Variants in PON3 observed in about 807,000 individuals in gnomAD.
The protein encoded by PON3 is serum paraoxonase/lactonase 3.
Under a neutral mutation model 36.3 loss-of-function variants are expected in PON3, and 37 were observed. The observed-to-expected ratio is 1.02, with a 90% CI of 0.78 to 1.34. The LOEUF (loss-of-function observed/expected upper bound fraction) is 1.34. PON3 is among the 40% of genes most tolerant of loss of function. The pLI is 0.00. For synonymous variants in PON3, 155 were observed against 154.8 expected (o/e 1.00, Z -0.01); for missense variants, 415 against 426.5 (o/e 0.97, Z 0.24).
intron 5 of PON3, 118 bp downstream of exon 5, chr7:95,367,244 G>GA: frequency 2.3e-6 from 3 of 1,326,480 alleles, no homozygotes; most frequent in Non-Finnish European, 2.1e-6. Flanking sequence ...GAAAGCTTTA[G>GA]AAAAAAATCA....
intron 3 of PON3, among the ~76,000 whole-genome samples, chr7:95,380,818 T>C (rs1023873422): frequency 2.6e-5 from 4 of 152,084 alleles, no homozygotes; most frequent in East Asian, 1.9e-4. Context: ...CCTAGCAAGG[T>C]AGGCCAACAT....
chr7:95,373,902 G>A (rs1472468191), intron 3 of PON3, among the ~76,000 whole-genome samples: 3 of 152,156 alleles, frequency 2.0e-5, no homozygotes, highest in African/African-American at 7.2e-5. Flanking sequence ...ACAACAGGAG[G>A]TGAGCTGCAG....
At chr7:95,363,518 T>C (rs1808623538) in intron 6 of PON3, 4 of 330,836 alleles carry the variant, frequency 1.2e-5, no homozygotes, top group South Asian at 1.2e-4. Context: ...GAACTTAGCA[T>C]AAGTGGTCAA....
chr7:95,379,528 C>T (rs911517512), intron 3 of PON3, among the ~76,000 whole-genome samples: 1 of 152,246 alleles, frequency 6.6e-6, no homozygotes, highest in African/African-American at 2.4e-5. Context: ...TTCCAATGGT[C>T]TTAGCAAACA....
intron 3 of PON3, among the ~76,000 whole-genome samples, chr7:95,382,158 A>T (rs1481830381): frequency 2.0e-5 from 3 of 152,242 alleles, no homozygotes; most frequent in Non-Finnish European, 4.4e-5. Context: ...AACCGACGAG[A>T]ACAAAGATAC....
chr7:95,362,518 C>T (rs756443271), intron 7 of PON3, 28 bp from the exon 8 acceptor site: 1 of 1,612,986 alleles, frequency 6.2e-7, no homozygotes, highest in Non-Finnish European at 8.5e-7. Flanking sequence ...GTAGTGAAGA[C>T]ATTGTCTCAA....
rs140003559 is a variant in PON3, at chr7:95,359,976, G to A, written c.1062C>T (p.Leu354=). 225 of 1,585,852 alleles carry A rather than the reference G, an allele frequency of 1.4e-4. 1 individual carries two copies. The African/African-American group carries it at 2.8e-3, about 20-fold the overall frequency. The change falls in exon 9 of 9, where the codon CTC becomes CTT. Residue 354 remains leucine, a synonymous_variant. Coordinates refer to ENST00000265627, the MANE Select transcript of PON3 (RefSeq NM_000940.3). ...TTTTTTTTTTACTATCTAGAGTCTA[G>A]AGCTCACAGTACAGAGTTTTGTGAA... ...TVFHKTLYCE[L]
chr7:95,394,444 G>C (rs1374347604), intron 2 of PON3, among the ~76,000 whole-genome samples, 200 bp downstream of exon 2: 1 of 152,128 alleles, frequency 6.6e-6, no homozygotes, highest in Non-Finnish European at 1.5e-5. Flanking sequence ...TGTCAGTAAG[G>C]AAATGTGCTG....
rs1489975415 is a variant in PON3 at position 95,396,152 on chromosome 7, T to A, written c.74+125A>T. On this transcript the variant is annotated intron_variant, in intron 1 of 8. Coordinates refer to ENST00000265627, the MANE Select transcript of PON3 (RefSeq NM_000940.3). Reference sequence around the variant, plus strand: ...TCAAGGGGCGGTTTGCTGGGTGAGATGGAGGAGTGAGGTTCCAAAGCTGCT... The same window carrying A: ...TCAAGGGGCGGTTTGCTGGGTGAGAAGGAGGAGTGAGGTTCCAAAGCTGCT... 6 of 1,010,796 alleles carry A rather than the reference T, an allele frequency of 5.9e-6. No individual in the cohort carries two copies. The East Asian group carries it at 1.4e-4, about 24-fold the overall frequency. The allele number at this position is 1,010,796 out of a possible 1,614,324, so 62.6% of individuals were successfully genotyped here.
intron 3 of PON3, among the ~76,000 whole-genome samples, chr7:95,386,241 T>G (rs1408283841): frequency 8.6e-5 from 13 of 151,994 alleles, no homozygotes; most frequent in Non-Finnish European, 8.8e-5. Context: ...CTAGCAAGAT[T>G]AATAAAGAAG....
At chr7:95,377,541 G>A (rs780847839) in intron 3 of PON3, 5 of 426,300 alleles carry the variant, frequency 1.2e-5, no homozygotes, top group Non-Finnish European at 2.4e-5. Flanking sequence ...ACCTCATACA[G>A]GCGGATGCCC....
chr7:95,363,873 C>G lies in PON3; in HGVS notation c.685G>C (p.Ala229Pro). The G allele has an allele frequency of 6.2e-7, 1 of 1,613,384 alleles. No homozygotes were observed. Among genetic ancestry groups the G allele is most frequent in the Non-Finnish European group, 8.5e-7 (1 of 1,179,362 alleles). Residue 229 changes from alanine to proline, a missense_variant, in exon 6 of 9, where the codon GCA becomes CCA. Transcript: ENST00000265627. ...CACAAAAGAGCTTACTTCTGGTCTGCTGAGACTGTGATCCCATTGGCACTA... is the reference window on the plus strand; with the variant it reads ...CACAAAAGAGCTTACTTCTGGTCTGGTGAGACTGTGATCCCATTGGCACTA... Reference protein sequence around the residue: ...FCSANGITVSADQKYVYVADV... With the variant: ...FCSANGITVSPDQKYVYVADV...
chr7:95,389,379 G>C (rs1809268790), intron 3 of PON3, among the ~76,000 whole-genome samples: 1 of 152,030 alleles, frequency 6.6e-6, no homozygotes, highest in Non-Finnish European at 1.5e-5. Context: ...TTCTTTGGTG[G>C]TATTTTATTG....
In PON3 at chr7:95,384,697, C is replaced by T. The variant is rs139178144; in HGVS notation, c.201+5457G>A. Among the ~76,000 whole-genome samples the T allele has an allele frequency of 3.8e-3, 576 of 152,258 alleles. 6 individuals carry two copies. Among genetic ancestry groups the T allele is most frequent in the Non-Finnish European group, 5.2e-3 (357 of 68,012 alleles). The stretch of plus-strand genomic sequence containing the variant: ...ATGACGATCATTAAAAGTCAGGAAA[C>T]AACAGGGCTAGAGAGGATATGGAGA... On this transcript the variant is annotated intron_variant, in intron 3 of 8. Coordinates refer to ENST00000265627, the MANE Select transcript of PON3 (RefSeq NM_000940.3).
At chr7:95,367,054 G>T (rs1183788500) in intron 5 of PON3, among the ~76,000 whole-genome samples, 1 of 152,342 alleles carries the variant, frequency 6.6e-6, no homozygotes, top group African/African-American at 2.4e-5. Flanking sequence ...TGTTTAAACA[G>T]AGACCGATAG....
intron 2 of PON3, among the ~76,000 whole-genome samples, chr7:95,393,894 T>A (rs1215651995): frequency 6.6e-6 from 1 of 152,132 alleles, no homozygotes; most frequent in Non-Finnish European, 1.5e-5. Context: ...GTGAGGTTCC[T>A]TCGTTTATTA....
At position 95,362,460 on chromosome 7, in the gene PON3, G is replaced by A; in HGVS notation, c.808C>T (p.Leu270=). The change falls in exon 8 of 9, where the codon CTG becomes TTG. Residue 270 remains leucine (L), a synonymous_variant. Transcript: ENST00000265627. ...VIQLGTLVDN[L]TVDPATGDIL... is the part of the protein sequence containing the mutation. ...TCTCCTGTGGCAGGATCGACAGTCA[G>A]GTTATCCACTAAGGTGCCCAACTGT... The A allele has an allele frequency of 6.2e-7, 1 of 1,613,750 alleles. No individual in the cohort carries two copies. Among genetic ancestry groups the A allele is most frequent in the Non-Finnish European group, 8.5e-7 (1 of 1,179,780 alleles).
chr7:95,378,926 G>A (rs998686338), intron 3 of PON3, among the ~76,000 whole-genome samples: 9 of 152,140 alleles, frequency 5.9e-5, no homozygotes, highest in African/African-American at 1.9e-4. Context: ...ATGTAAATGG[G>A]CTAAATGCCC....
At chr7:95,393,679 A>G (rs1809368171) in intron 2 of PON3, among the ~76,000 whole-genome samples, 2 of 152,098 alleles carry the variant, frequency 1.3e-5, no homozygotes, top group Non-Finnish European at 1.5e-5. Context: ...GGGGTACCAT[A>G]CATAGGAAAA....
Sources: gnomAD v4.1 joint callset for allele counts (sites outside exome capture counted in the v4.1 genomes callset) on GRCh38, gnomAD v4.1.1 for gene constraint, MANE v1.5 for transcripts, NCBI Gene and HGNC (gene_info 2026-07-23, HGNC 2026-07-21) for gene names.